ELFN1: variants seen among roughly 807,000 people sequenced by gnomAD.
ELFN1 encodes extracellular leucine rich repeat and fibronectin type III domain containing 1.
Under a neutral mutation model 7.6 loss-of-function variants are expected in ELFN1, and 6 were observed. The observed-to-expected ratio is 0.79, with a 90% CI of 0.43 to 1.56. The LOEUF is 1.56. ELFN1 is among the 40% of genes most tolerant of loss of function. ELFN1 has a pLI of 0.01. For missense variants in ELFN1, 1,169 were observed against 1,232.2 expected (o/e 0.95, Z 0.77); for synonymous variants, 657 against 588.1 (o/e 1.12, Z -1.70).
At chr7:1,684,059 A>T (rs1022730291) in intron 1 of ELFN1, among the ~76,000 whole-genome samples, 1 of 151,990 alleles carries the variant, frequency 6.6e-6, no homozygotes, top group Non-Finnish European at 1.5e-5. Flanking sequence ...CTGAGGAGGG[A>T]GGGTCACTTG....
chr7:1,741,828 G>C (rs140247184), intron 3 of ELFN1, among the ~76,000 whole-genome samples: 1 of 152,190 alleles, frequency 6.6e-6, no homozygotes, highest in Admixed American at 6.5e-5. Flanking sequence ...AGCCCCAGAC[G>C]CACCAGAGCC....
chr7:1,729,763 A>G (rs1562382247), intron 3 of ELFN1, among the ~76,000 whole-genome samples: 1 of 152,196 alleles, frequency 6.6e-6, no homozygotes, highest in Non-Finnish European at 1.5e-5. Context: ...TCCTGCCTTG[A>G]GCCCCTATTT....
At chr7:1,706,736 C>T (rs1393848968) in intron 2 of ELFN1, among the ~76,000 whole-genome samples, 1 of 152,228 alleles carries the variant, frequency 6.6e-6, no homozygotes, top group Non-Finnish European at 1.5e-5. Context: ...CCAGAGAGAC[C>T]ACCCTCCAGG....
chr7:1,742,997 AAC>A (rs1780671222), intron 3 of ELFN1, among the ~76,000 whole-genome samples: 1 of 152,172 alleles, frequency 6.6e-6, no homozygotes. Context: ...TTAACAAGCA[AAC>A]ACACCCATTT....
chr7:1,672,791 A>G (rs897208252), intron 1 of ELFN1, among the ~76,000 whole-genome samples: 1 of 151,926 alleles, frequency 6.6e-6, no homozygotes, highest in South Asian at 2.1e-4. Flanking sequence ...TGCCAGACTC[A>G]GACACCATCG....
intron 2 of ELFN1, among the ~76,000 whole-genome samples, chr7:1,689,680 G>A (rs773508697): frequency 2.3e-4 from 35 of 152,132 alleles, no homozygotes; most frequent in Non-Finnish European, 3.1e-4. Context: ...CATTTACAGC[G>A]CCTTGAGCCA....
chr7:1,747,000 A>T lies in ELFN1; in HGVS notation c.2404A>T (p.Lys802Ter). 6.4e-7 allele frequency: 1 copy of T among 1,565,748 alleles called. No individual in the cohort carries two copies. Residue 802 changes from lysine (K) to a stop codon, truncating the protein, a stop_gained, in exon 4 of 4, where the codon AAG becomes TAG. Coordinates refer to ENST00000424383, the MANE Select transcript of ELFN1 (RefSeq NM_001128636.4). LOFTEE classifies it high-confidence loss of function. ...CATGGCCGCGGGCCATGCCCTGCGC[A>T]AGAAGGTTCAGTTCGCCAAAGACGA... ...EFMAAGHALR[K>*]KVQFAKDEDL...
chr7:1,697,489 C>T (rs10241536), intron 2 of ELFN1, among the ~76,000 whole-genome samples: 1,815 of 152,336 alleles, frequency 0.012, 31 homozygotes, highest in African/African-American at 0.042. Context: ...CCGGCACAGC[C>T]GAGGCCAGCC....
chr7:1,713,877 G>A (rs936714897), intron 3 of ELFN1, among the ~76,000 whole-genome samples: 2 of 151,986 alleles, frequency 1.3e-5, no homozygotes, highest in African/African-American at 2.4e-5. Flanking sequence ...ACTGCCGCAC[G>A]CCCGGCTCCC....
chr7:1,747,168 G>T lies in ELFN1; in HGVS notation c.*85G>T. The T allele has an allele frequency of 7.4e-7, 1 of 1,349,540 alleles. No individual in the cohort carries two copies. Among genetic ancestry groups the T allele is most frequent in the East Asian group, 2.8e-5 (1 of 35,658 alleles). The allele number at this position is 1,349,540 out of a possible 1,614,324, so 83.6% of individuals were successfully genotyped here. A position where few individuals can be genotyped will look rare whatever the true frequency, so the allele number is the denominator to read the frequency against. On this transcript the variant is annotated 3_prime_UTR_variant, in exon 4 of 4. Coordinates refer to ENST00000424383, the MANE Select transcript of ELFN1 (RefSeq NM_001128636.4). ...TCAGCACCAAACCCAACACACGCAC[G>T]CCACCACAGCAACTGTGACAGCGGG...
In ELFN1 at chr7:1,695,446, C is replaced by T. The variant is rs1779282354; in HGVS notation, c.-456+7296C>T. 6.6e-6 allele frequency among the ~76,000 whole-genome samples: 1 copy of T among 152,136 alleles called. No homozygotes were observed. Among genetic ancestry groups the T allele is most frequent in the Non-Finnish European group, 1.5e-5 (1 of 68,018 alleles). ...ACTCAGCCCGCCAAGCCCATGAACC[C>T]CACTTTGAAAACTGTGCAGCCGTGC... On this transcript the variant is annotated intron_variant, in intron 2 of 3. Coordinates refer to ENST00000424383, the MANE Select transcript of ELFN1 (RefSeq NM_001128636.4). The surrounding 1 kb of genome is among the most constrained non-coding windows in gnomAD (Gnocchi z 5.1).
chr7:1,672,578 G>A (rs913008656), intron 1 of ELFN1, among the ~76,000 whole-genome samples: 2 of 152,164 alleles, frequency 1.3e-5, no homozygotes, highest in Admixed American at 1.3e-4. Flanking sequence ...GGGTAAAATC[G>A]GAGTGGCTGC....
intron 1 of ELFN1, among the ~76,000 whole-genome samples, chr7:1,681,199 G>A (rs563440432): frequency 1.3e-5 from 2 of 152,166 alleles, no homozygotes; most frequent in Non-Finnish European, 2.9e-5. Context: ...TTGCTGAATA[G>A]TATTCTATTG....
rs1302261656 is a variant in ELFN1 at position 1,745,095 on chromosome 7, C to T, written c.499C>T (p.Arg167Cys). 3 of 1,551,068 alleles carry T rather than the reference C, an allele frequency of 1.9e-6. No individual in the cohort carries two copies. Among genetic ancestry groups the T allele is most frequent in the East Asian group, 4.9e-5 (2 of 40,920 alleles). ...CGTCAACATCGACCTGTCCATGAAC[C>T]GCATCCAGCAGCTCAACAGCGGCAC... Reference protein sequence around the residue: ...NIVNIDLSMNRIQQLNSGTFA... With the variant: ...NIVNIDLSMNCIQQLNSGTFA... Residue 167 changes from arginine to cysteine, a missense_variant, in exon 4 of 4, where the codon CGC becomes TGC. Arg to Cys is a radical substitution (Grantham distance 180). Coordinates refer to ENST00000424383, the MANE Select transcript of ELFN1 (RefSeq NM_001128636.4).
At chr7:1,712,537 T>G (rs1779692266) in intron 3 of ELFN1, among the ~76,000 whole-genome samples, 1 of 152,112 alleles carries the variant, frequency 6.6e-6, no homozygotes. Flanking sequence ...TTTCAAGTGA[T>G]TCTCCTTCCT....
intron 2 of ELFN1, among the ~76,000 whole-genome samples, chr7:1,706,291 T>C (rs1226562772): frequency 2.6e-5 from 4 of 152,084 alleles, no homozygotes; most frequent in Admixed American, 6.6e-5. Flanking sequence ...GGCATGGTGG[T>C]GGGTGCCTGT....
At chr7:1,702,289 T>C (rs1324802794) in intron 2 of ELFN1, among the ~76,000 whole-genome samples, 1 of 152,056 alleles carries the variant, frequency 6.6e-6, no homozygotes, top group Non-Finnish European at 1.5e-5. Flanking sequence ...GCCAGCGTGA[T>C]GGCGGGTGCC....
intron 2 of ELFN1, among the ~76,000 whole-genome samples, chr7:1,700,562 G>A (rs1401683144): frequency 6.6e-6 from 1 of 152,134 alleles, no homozygotes; most frequent in East Asian, 1.9e-4. Flanking sequence ...AGCGTGTGCT[G>A]TCCTAAGAGG....
At chr7:1,719,830 T>G (rs1405793835) in intron 3 of ELFN1, among the ~76,000 whole-genome samples, 1 of 83,500 alleles carries the variant, frequency 1.2e-5, no homozygotes, top group Non-Finnish European at 2.6e-5. Context: ...CTGCAAACCC[T>G]CCCCCAACAC....
Sources: allele counts gnomAD v4.1 joint callset (sites outside exome capture counted in the v4.1 genomes callset), GRCh38; gene constraint gnomAD v4.1.1; non-coding constraint Gnocchi (gnomAD v3.1); transcripts MANE v1.5; gene names NCBI Gene and HGNC (gene_info 2026-07-23, HGNC 2026-07-21).